CCSER2: variants seen among roughly 807,000 people sequenced by gnomAD.
CCSER2 encodes the protein coiled-coil serine rich protein 2, also known as serine-rich coiled-coil domain-containing protein 2.
A neutral mutation model predicts 92.3 loss-of-function variants in CCSER2; 46 were observed. The observed-to-expected ratio is 0.50, with a 90% CI of 0.39 to 0.64. CCSER2 has a LOEUF of 0.64. Ranked by LOEUF, CCSER2 falls within the 30% of genes least tolerant of loss-of-function variation. The pLI is 0.00. For synonymous variants in CCSER2, 433 were observed against 431.4 expected (o/e 1.00, Z -0.04); for missense variants, 1,244 against 1,238.9 (o/e 1.00, Z -0.06).
At chr10:84,357,501 A>G (rs1436343044) in intron 1 of CCSER2, among the ~76,000 whole-genome samples, 4 of 147,872 alleles carry the variant, frequency 2.7e-5, no homozygotes, top group Non-Finnish European at 5.9e-5. Context: ...CCTGGCTGGA[A>G]TGAAGTGGTG....
intron 6 of CCSER2, among the ~76,000 whole-genome samples, chr10:84,450,996 A>G (rs1356951009): frequency 6.6e-6 from 1 of 152,190 alleles, no homozygotes; most frequent in Non-Finnish European, 1.5e-5. Context: ...CAGATTTAAT[A>G]CAGTTTCAGC....
intron 6 of CCSER2, among the ~76,000 whole-genome samples, chr10:84,441,394 T>G (rs1433333795): frequency 1.3e-5 from 2 of 152,190 alleles, no homozygotes; most frequent in Admixed American, 1.3e-4. Context: ...GGAACTATGG[T>G]AAGTAGAGAG....
chr10:84,443,076 C>T (rs1844674936), intron 6 of CCSER2, among the ~76,000 whole-genome samples: 1 of 152,158 alleles, frequency 6.6e-6, no homozygotes, highest in Admixed American at 6.5e-5. Context: ...CCATTCAGGA[C>T]ATAGACATGG....
intron 9 of CCSER2, among the ~76,000 whole-genome samples, chr10:84,486,758 T>A (rs1180609199): frequency 6.6e-6 from 1 of 152,234 alleles, no homozygotes; most frequent in African/African-American, 2.4e-5. Flanking sequence ...TTAGATCCCA[T>A]TTGTCTATTT....
At chr10:84,346,908 C>T (rs1033081336) in intron 1 of CCSER2, among the ~76,000 whole-genome samples, 1 of 151,934 alleles carries the variant, frequency 6.6e-6, no homozygotes, top group Non-Finnish European at 1.5e-5. Flanking sequence ...CTCTGGTTTT[C>T]CTAGGCAGAG....
intron 7 of CCSER2, among the ~76,000 whole-genome samples, chr10:84,467,878 A>G (rs1301817559): frequency 6.6e-6 from 1 of 152,016 alleles, no homozygotes; most frequent in Non-Finnish European, 1.5e-5. Context: ...TTTCATCTAT[A>G]TTATCACTCT....
chr10:84,344,063 G>C (rs1036430043), intron 1 of CCSER2, among the ~76,000 whole-genome samples: 1 of 152,176 alleles, frequency 6.6e-6, no homozygotes, highest in Non-Finnish European at 1.5e-5. Flanking sequence ...CTTAATCACT[G>C]TACCTCTGCA....
intron 1 of CCSER2, among the ~76,000 whole-genome samples, chr10:84,343,458 G>A (rs916841416): frequency 6.6e-6 from 1 of 152,108 alleles, no homozygotes; most frequent in African/African-American, 2.4e-5. Context: ...ACCTGGTCCT[G>A]GGTATTATAC....
At chr10:84,355,459 C>T (rs1466444716) in intron 1 of CCSER2, among the ~76,000 whole-genome samples, 1 of 152,284 alleles carries the variant, frequency 6.6e-6, no homozygotes, top group South Asian at 2.1e-4. Context: ...AGCATTGCCT[C>T]CTCTACGAAG....
At chr10:84,424,065 T>C (rs1379534001) in intron 4 of CCSER2, among the ~76,000 whole-genome samples, 1 of 150,984 alleles carries the variant, frequency 6.6e-6, no homozygotes, top group Non-Finnish European at 1.5e-5. Context: ...GGTGGAAGGA[T>C]CACTTGAGCT....
chr10:84,346,792 G>A (rs183234826), intron 1 of CCSER2, among the ~76,000 whole-genome samples: 2 of 149,942 alleles, frequency 1.3e-5, no homozygotes, highest in East Asian at 1.9e-4. Flanking sequence ...TTATTTATTT[G>A]TTTATTTTAT....
intron 3 of CCSER2, among the ~76,000 whole-genome samples, chr10:84,411,787 G>T (rs577220662): frequency 9.5e-4 from 145 of 152,232 alleles, no homozygotes; most frequent in African/African-American, 3.3e-3. Context: ...CTTCCTATTT[G>T]AATACCTTTC....
At chr10:84,490,359 C>T (rs562237521) in intron 9 of CCSER2, among the ~76,000 whole-genome samples, 12 of 152,296 alleles carry the variant, frequency 7.9e-5, no homozygotes, top group South Asian at 4.1e-4. Context: ...CCATTCTCCC[C>T]GTCACTTTCA....
At chr10:84,511,721 C>T (rs985296771) in intron 9 of CCSER2, among the ~76,000 whole-genome samples, 5 of 152,160 alleles carry the variant, frequency 3.3e-5, no homozygotes, top group African/African-American at 1.2e-4. Flanking sequence ...TGGTCCTGCT[C>T]TATTTTTTCA....
chr10:84,348,840 G>GT (rs1221674247), intron 1 of CCSER2, among the ~76,000 whole-genome samples: 1 of 151,912 alleles, frequency 6.6e-6, no homozygotes, highest in East Asian at 1.9e-4. Flanking sequence ...ACTTGTTAAT[G>GT]TTTTTTGCCA....
chr10:84,348,857 T>G (rs1844701823), intron 1 of CCSER2, among the ~76,000 whole-genome samples: 1 of 152,184 alleles, frequency 6.6e-6, no homozygotes, highest in African/African-American at 2.4e-5. Flanking sequence ...GCCATTTTCT[T>G]ACCATTTGCT....
chr10:84,470,714 A>G (rs2133708455), intron 8 of CCSER2, among the ~76,000 whole-genome samples: 1 of 152,204 alleles, frequency 6.6e-6, no homozygotes, highest in Non-Finnish European at 1.5e-5. Flanking sequence ...ACCAATTTAC[A>G]TTCATTTTGT....
chr10:84,494,977 CTT>C (rs770775993), intron 9 of CCSER2, among the ~76,000 whole-genome samples: 1 of 122,632 alleles, frequency 8.2e-6, no homozygotes, highest in Admixed American at 8.0e-5. Flanking sequence ...CTGATGTCTG[CTT>C]TTTTTTTTTT....
chr10:84,331,701 A>G (rs1000691713), intron 1 of CCSER2, among the ~76,000 whole-genome samples: 2 of 152,224 alleles, frequency 1.3e-5, no homozygotes, highest in African/African-American at 2.4e-5. Context: ...GGCCTGACCA[A>G]TTCCAAAAGG....
Sources: gnomAD v4.1 joint callset for allele counts (sites outside exome capture counted in the v4.1 genomes callset) on GRCh38, gnomAD v4.1.1 for gene constraint, MANE v1.5 for transcripts, NCBI Gene and HGNC (gene_info 2026-07-23, HGNC 2026-07-21) for gene names.